MACF1: variants seen among roughly 807,000 people sequenced by gnomAD.
MACF1 encodes the protein microtubule-actin cross-linking factor 1.
A neutral mutation model predicts 854.8 loss-of-function variants in MACF1; 193 were observed. The observed-to-expected ratio is 0.23, with a 90% CI of 0.20 to 0.25. The LOEUF is 0.25. Ranked by LOEUF, MACF1 falls within the 10% of genes least tolerant of loss-of-function variation. The probability of loss-of-function intolerance (pLI) is 1.00; values close to 1 mark genes in which losing one functional copy is unlikely to be tolerated. For missense variants in MACF1, 7,722 were observed against 8,929.1 expected, an observed-to-expected ratio of 0.86 and a Z score of 5.45; for synonymous variants, 3,185 against 3,226.7, an observed-to-expected ratio of 0.99 and a Z score of 0.44.
At chr1:39,453,480 A>G (rs1000614680) in intron 87 of MACF1, among the ~76,000 whole-genome samples, 3 of 152,202 alleles carry the variant, frequency 2.0e-5, no homozygotes, top group African/African-American at 7.2e-5. Flanking sequence ...TGTGTGTCCT[A>G]TTCTTTGTTG....
At chr1:39,196,040 G>C (rs1426970922) in intron 2 of MACF1, among the ~76,000 whole-genome samples, 1 of 152,134 alleles carries the variant, frequency 6.6e-6, no homozygotes, top group Admixed American at 6.5e-5. Flanking sequence ...TATTGAGCAG[G>C]TATTGAGCAC....
chr1:39,382,119 C>T lies in MACF1; in HGVS notation c.13815C>T (p.Pro4605=), dbSNP rs1650278492. ...TGCTGGGGCCCCTGTCTATTGACCCCAACATGTTGAATGCACAAAAGCAAC... is the reference window on the plus strand; with the variant it reads ...TGCTGGGGCCCCTGTCTATTGACCCTAACATGTTGAATGCACAAAAGCAAC... ...MGVLGPLSID[P]NMLNAQKQQV... is the part of the protein sequence containing the mutation. The change falls in exon 56 of 101, where the codon CCC becomes CCT. Residue 4605 remains proline, a synonymous_variant. Coordinates refer to ENST00000564288, the MANE Select transcript of MACF1 (RefSeq NM_001394062.1). 3 of 1,613,884 alleles carry T rather than the reference C, an allele frequency of 1.9e-6. No homozygotes were observed. The highest frequency in any genetic ancestry group is 2.5e-6 in the Non-Finnish European group (3 of 1,180,002).
chr1:39,208,210 T>G (rs745675497), intron 1 of MACF1, among the ~76,000 whole-genome samples: 1 of 150,858 alleles, frequency 6.6e-6, no homozygotes, highest in Non-Finnish European at 1.5e-5. Flanking sequence ...GTTTCACTGG[T>G]TTTATTTCCT....
chr1:39,416,493 G>GAA (rs60052765), intron 58 of MACF1, among the ~76,000 whole-genome samples: 76 of 111,726 alleles, frequency 6.8e-4, no homozygotes, highest in African/African-American at 2.1e-3. Flanking sequence ...AAAATAAAAA[G>GAA]AAAAAAAAAA....
chr1:39,310,120 A>G (rs1646271137), intron 24 of MACF1, 125 bp from the exon 25 acceptor site: 8 of 816,932 alleles, frequency 9.8e-6, no homozygotes, highest in Non-Finnish European at 1.3e-5. Flanking sequence ...AATTATAAAA[A>G]TCAACATGTT....
intron 80 of MACF1, 28 bp from the exon 81 acceptor site, chr1:39,447,400 TTCTG>T (rs760620947): frequency 1.5e-5 from 24 of 1,604,146 alleles, no homozygotes; most frequent in Non-Finnish European, 1.9e-5. Flanking sequence ...CGCTTTTTCT[TTCTG>T]TGTGTGTGTG....
chr1:39,218,574 C>T (rs574446741), intron 1 of MACF1, among the ~76,000 whole-genome samples: 1 of 152,126 alleles, frequency 6.6e-6, no homozygotes, highest in African/African-American at 2.4e-5. Flanking sequence ...GTGATATTCC[C>T]GTGAATTCTC....
At chr1:39,455,879 T>C (rs1236511608) in intron 89 of MACF1, among the ~76,000 whole-genome samples, 1 of 152,246 alleles carries the variant, frequency 6.6e-6, no homozygotes, top group African/African-American at 2.4e-5. Context: ...TTATACTGAA[T>C]TCAAGCGTGA....
chr1:39,460,909 A>G lies in MACF1; in HGVS notation c.21523+115A>G, dbSNP rs1215549941. ...GAAGCTGGCCAGGAGCTTGGCTCAC[A>G]CCTGTAATTCCAGCACTTTGGGAGG... On this transcript the variant is annotated intron_variant, in intron 92 of 100. Coordinates refer to ENST00000564288, the MANE Select transcript of MACF1 (RefSeq NM_001394062.1). This position sits in a 1 kb window ranked among gnomAD's most constrained non-coding sequence, Gnocchi z 4.1. The G allele has an allele frequency of 4.9e-6, 6 of 1,213,678 alleles. No homozygotes were observed. The highest frequency in any genetic ancestry group is 7.1e-6 in the Non-Finnish European group (6 of 847,632). The allele number at this position is 1,213,678 out of a possible 1,614,324, so 75.2% of individuals were successfully genotyped here.
intron 92 of MACF1, among the ~76,000 whole-genome samples, chr1:39,461,503 T>A (rs548101982): frequency 3.3e-5 from 5 of 152,224 alleles, no homozygotes; most frequent in Admixed American, 3.3e-4. Context: ...TAAGAAGTAT[T>A]TCTGGCCAGG....
At chr1:39,325,009 G>T (rs1349822944) in intron 35 of MACF1, among the ~76,000 whole-genome samples, 2 of 152,222 alleles carry the variant, frequency 1.3e-5, no homozygotes, top group African/African-American at 4.8e-5. Flanking sequence ...GGCCTGTTAA[G>T]AGGCTATTCT....
intron 2 of MACF1, among the ~76,000 whole-genome samples, chr1:39,198,043 CA>C (rs1275394851): frequency 6.6e-6 from 1 of 151,908 alleles, no homozygotes; most frequent in African/African-American, 2.4e-5. Context: ...GCAAAAAACA[CA>C]AAAATTAGCC....
chr1:39,120,907 A>G (rs1344777062), intron 2 of MACF1: 1 of 152,360 alleles, frequency 6.6e-6, no homozygotes, highest in Non-Finnish European at 1.5e-5. Flanking sequence ...CTTTTGTGCT[A>G]TCAAATAGTA....
chr1:39,410,681 C>T, intron 58 of MACF1: 1 of 1,613,696 alleles, frequency 6.2e-7, no homozygotes, highest in Non-Finnish European at 8.5e-7. Context: ...TTCATGCCAC[C>T]CAACTTCCCA....
At chr1:39,180,167 T>C (rs1173581733) in intron 2 of MACF1, among the ~76,000 whole-genome samples, 2 of 152,152 alleles carry the variant, frequency 1.3e-5, no homozygotes, top group Admixed American at 6.6e-5. Flanking sequence ...GTATTTGTTA[T>C]ATAAATGCAG....
intron 52 of MACF1, among the ~76,000 whole-genome samples, chr1:39,374,075 C>G (rs1446914829): frequency 6.6e-6 from 1 of 151,788 alleles, no homozygotes; most frequent in Non-Finnish European, 1.5e-5. Context: ...AACCCCATCT[C>G]TACTAAAAAT....
chr1:39,249,786 G>A, intron 2 of MACF1: 1 of 405,600 alleles, frequency 2.5e-6, no homozygotes. Context: ...TGGTTAGAGT[G>A]TGTAATAGAT....
chr1:39,414,879 T>C (rs1452937879), intron 58 of MACF1, among the ~76,000 whole-genome samples: 2 of 152,220 alleles, frequency 1.3e-5, no homozygotes, highest in Non-Finnish European at 2.9e-5. Context: ...GTGTGAGCTT[T>C]GGAATGAGAC....
rs1645563455 is a variant in MACF1 at position 39,282,324 on chromosome 1, C to T, written c.645C>T (p.Ser215=). Residue 215 remains serine, a synonymous_variant, in exon 7 of 101, where the codon TCC becomes TCT. Transcript: ENST00000564288. ...CAGGAATCAAATGCACCAACTTTTC[C>T]TCCTGCTGGAGTGATGGGAAGATGT... The part of the protein sequence containing the change: ...GYTGIKCTNF[S]SCWSDGKMFN... The T allele has an allele frequency of 1.9e-6, 3 of 1,613,978 alleles. No homozygotes were observed. Among genetic ancestry groups the T allele is most frequent in the East Asian group, 4.5e-5 (2 of 44,876 alleles).
Sources: gnomAD v4.1 joint callset for allele counts (sites outside exome capture counted in the v4.1 genomes callset) on GRCh38, gnomAD v4.1.1 for gene constraint, Gnocchi (gnomAD v3.1) non-coding constraint, MANE v1.5 for transcripts, NCBI Gene and HGNC (gene_info 2026-07-23, HGNC 2026-07-21) for gene names.